The following FGF14 variants were observed in gnomAD, a reference collection of about 807,000 sequenced individuals.
The protein encoded by FGF14 is fibroblast growth factor 14, also known as fibroblast growth factor homologous factor 4.
In FGF14, 5 loss-of-function variants were observed where a neutral mutation model predicts 25.5. The ratio of observed to expected loss-of-function variants is 0.20; its 90% CI spans 0.10 to 0.41. FGF14 has a LOEUF of 0.41. FGF14 is among the 10% of genes least tolerant of loss of function. FGF14 has a pLI of 1.00. For synonymous variants in FGF14, 138 were observed against 118.3 expected, an observed-to-expected ratio of 1.17 and a Z score of -1.08; for missense variants, 222 against 320.1, an observed-to-expected ratio of 0.69 and a Z score of 2.34.
chr13:102,154,542 G>C (rs1438574178), intron 1 of FGF14, among the ~76,000 whole-genome samples: 2 of 152,148 alleles, frequency 1.3e-5, no homozygotes, highest in South Asian at 2.1e-4. Flanking sequence ...GGAACAACCG[G>C]TACCAGCCAC....
chr13:101,886,493 T>C (rs1009253048), intron 1 of FGF14, among the ~76,000 whole-genome samples: 3 of 152,018 alleles, frequency 2.0e-5, no homozygotes, highest in African/African-American at 7.3e-5. Flanking sequence ...GATATCCATA[T>C]GCAAAACCAT....
rs1485739802 is a variant in FGF14 at position 101,768,225 on chromosome 13, TG to T, written c.409-41416del. Reference sequence around the variant, plus strand: ...CTTGATGAATGTCCACATAAAACAGTGGGAAGAAAATATGTTTAAAAGTACA... The same window carrying T: ...CTTGATGAATGTCCACATAAAACAGTGGAAGAAAATATGTTTAAAAGTACA... On this transcript the variant is annotated intron_variant, in intron 3 of 4. Transcript: ENST00000376143. 5.2e-4 allele frequency among the ~76,000 whole-genome samples: 79 copies of T among 150,908 alleles called. 1 individual carries two copies. The highest frequency in any genetic ancestry group is 5.5e-4 in the Non-Finnish European group (37 of 67,708).
intron 3 of FGF14, among the ~76,000 whole-genome samples, chr13:101,765,194 C>T (rs2038298321): frequency 6.6e-6 from 1 of 152,186 alleles, no homozygotes; most frequent in Admixed American, 6.5e-5. Flanking sequence ...CTTAATTCTG[C>T]TCTTTCTCCT....
chr13:102,172,477 C>A (rs1476776017), intron 1 of FGF14, among the ~76,000 whole-genome samples: 2 of 152,044 alleles, frequency 1.3e-5, no homozygotes, highest in African/African-American at 4.8e-5. Flanking sequence ...AATGTAGTGA[C>A]ATACATTTAC....
chr13:101,791,052 G>T (rs1473343711), intron 3 of FGF14, among the ~76,000 whole-genome samples: 1 of 151,738 alleles, frequency 6.6e-6, no homozygotes, highest in Non-Finnish European at 1.5e-5. Flanking sequence ...TAACACACAA[G>T]CATTAGCTCT....
intron 1 of FGF14, among the ~76,000 whole-genome samples, chr13:101,875,541 TATTA>T (rs1379157563): frequency 2.6e-5 from 4 of 152,098 alleles, no homozygotes; most frequent in African/African-American, 9.7e-5. Context: ...ATATTTAAAT[TATTA>T]ATTAAAACTA....
At chr13:102,165,948 T>C (rs1161436494) in intron 1 of FGF14, among the ~76,000 whole-genome samples, 4 of 151,878 alleles carry the variant, frequency 2.6e-5, no homozygotes, top group Non-Finnish European at 5.9e-5. Context: ...AGGTAAAATT[T>C]TTCATTTTAA....
rs560246520 is a variant in FGF14 at position 102,276,765 on chromosome 13, G to C, written c.208+124706C>G. On this transcript the variant is annotated intron_variant, in intron 1 of 4. Coordinates refer to the FGF14 transcript ENST00000376131. ...TGTAAGCAACCAGAAACACAGGAAT[G>C]ATATGTTTAGTTACTATAACAGCAT... Among the ~76,000 whole-genome samples the C allele has an allele frequency of 1.7e-3, 253 of 152,244 alleles. 1 individual carries two copies. Among genetic ancestry groups the C allele is most frequent in the African/African-American group, 5.7e-3 (238 of 41,542 alleles).
rs2042371489 is a variant in FGF14, at chr13:101,825,879, A to C, written c.408+42846T>G. ...GGATTGTAAGGGGGTTGAATTTGATATTTCCTGATATAAAGTTTTTGAAAA... is the reference window on the plus strand; with the variant it reads ...GGATTGTAAGGGGGTTGAATTTGATCTTTCCTGATATAAAGTTTTTGAAAA... On this transcript the variant is annotated intron_variant, in intron 3 of 4. Coordinates refer to ENST00000376143, the MANE Select transcript of FGF14 (RefSeq NM_004115.4). 2.0e-5 allele frequency among the ~76,000 whole-genome samples: 3 copies of C among 152,130 alleles called. No individual in the cohort carries two copies. The South Asian group carries it at 6.2e-4, about 32-fold the overall frequency.
At chr13:102,309,368 G>C (rs73581267) in intron 1 of FGF14, among the ~76,000 whole-genome samples, 3,585 of 152,272 alleles carry the variant, frequency 0.024, 141 homozygotes, top group African/African-American at 0.081. Flanking sequence ...TCATCAGCTA[G>C]GTAAAGGCAT....
At chr13:101,777,204 T>C (rs914547511) in intron 3 of FGF14, among the ~76,000 whole-genome samples, 1 of 152,208 alleles carries the variant, frequency 6.6e-6, no homozygotes, top group African/African-American at 2.4e-5. Flanking sequence ...GTATTTGTCT[T>C]AACTTTTCAT....
intron 1 of FGF14, among the ~76,000 whole-genome samples, chr13:102,295,644 C>G (rs2054667304): frequency 6.6e-6 from 1 of 152,072 alleles, no homozygotes; most frequent in African/African-American, 2.4e-5. Flanking sequence ...TTAGAAGTAC[C>G]AGAGAGAAAC....
chr13:101,798,779 G>A, intron 3 of FGF14, among the ~76,000 whole-genome samples: 1 of 152,078 alleles, frequency 6.6e-6, no homozygotes, highest in Non-Finnish European at 1.5e-5. Context: ...CTGAAATGTA[G>A]GATTAAGGAA....
chr13:102,267,061 A>G (rs915398475), intron 1 of FGF14, among the ~76,000 whole-genome samples: 12 of 152,190 alleles, frequency 7.9e-5, no homozygotes, highest in African/African-American at 2.9e-4. Flanking sequence ...TGTATTTACA[A>G]AGAAATGATG....
intron 1 of FGF14, among the ~76,000 whole-genome samples, chr13:102,027,049 T>C (rs1566589703): frequency 6.6e-6 from 1 of 152,010 alleles, no homozygotes; most frequent in Non-Finnish European, 1.5e-5. Flanking sequence ...GAGTAAATTA[T>C]GAATATGTTT....
chr13:101,862,348 AT>A (rs553500514), intron 3 of FGF14, among the ~76,000 whole-genome samples: 302 of 149,710 alleles, frequency 2.0e-3, no homozygotes, highest in African/African-American at 6.7e-3. Context: ...CTTTATATTT[AT>A]TTTTTTTCCT....
chr13:102,245,323 AGTTAGAAAAC>A (rs1245931069), intron 1 of FGF14, among the ~76,000 whole-genome samples: 1 of 152,140 alleles, frequency 6.6e-6, no homozygotes, highest in Non-Finnish European at 1.5e-5. Flanking sequence ...AGAAGCTGGT[AGTTAGAAAAC>A]GTTAGAGAAC....
chr13:102,344,828 T>C (rs1157869768), intron 1 of FGF14, among the ~76,000 whole-genome samples: 1 of 152,194 alleles, frequency 6.6e-6, no homozygotes, highest in Non-Finnish European at 1.5e-5. Flanking sequence ...TTTATATAGA[T>C]GAATCTACGT....
At chr13:102,147,302 T>G (rs1290405467) in intron 1 of FGF14, among the ~76,000 whole-genome samples, 1 of 152,210 alleles carries the variant, frequency 6.6e-6, no homozygotes, top group Non-Finnish European at 1.5e-5. Context: ...TCCAAATTGA[T>G]TCTGTCCTGA....
Sources: allele counts gnomAD v4.1 joint callset (sites outside exome capture counted in the v4.1 genomes callset), GRCh38; gene constraint gnomAD v4.1.1; transcripts MANE v1.5; gene names NCBI Gene and HGNC (gene_info 2026-07-23, HGNC 2026-07-21).